Variants in UNC79 observed in about 807,000 individuals in gnomAD.
UNC79 encodes the protein protein unc-79 homolog.
UNC79 carries 37 observed loss-of-function variants against 283.1 expected under a neutral mutation model. That is an observed-to-expected ratio of 0.13 (90% CI 0.10 to 0.17). The LOEUF is 0.17. Ranked by LOEUF, UNC79 falls within the 10% of genes least tolerant of loss-of-function variation. The probability of loss-of-function intolerance (pLI) is 1.00; values close to 1 mark genes in which losing one functional copy is unlikely to be tolerated. For synonymous variants in UNC79, 1,107 were observed against 1,200.2 expected, an observed-to-expected ratio of 0.92 and a Z score of 1.61; for missense variants, 2,272 against 3,211.1, an observed-to-expected ratio of 0.71 and a Z score of 7.07.
At chr14:93,361,904 G>C (rs566804381) in intron 1 of UNC79, among the ~76,000 whole-genome samples, 84 of 152,276 alleles carry the variant, frequency 5.5e-4, no homozygotes, top group African/African-American at 1.9e-3. Context: ...TAACATGAAG[G>C]GGTGTTGAAT....
chr14:93,552,032 A>C (rs1045781434), intron 14 of UNC79, among the ~76,000 whole-genome samples: 18 of 152,354 alleles, frequency 1.2e-4, no homozygotes, highest in African/African-American at 4.1e-4. Context: ...GAACTGTTGA[A>C]GCCTGGAAGG....
chr14:93,686,669 G>A lies in UNC79; in HGVS notation c.6909+8G>A. The A allele has an allele frequency of 6.2e-7, 1 of 1,613,994 alleles. No homozygotes were observed. The highest frequency in any genetic ancestry group is 8.5e-7 in the Non-Finnish European group (1 of 1,179,964). The stretch of plus-strand genomic sequence containing the variant: ...ACGCTGACCAAACTGAAGGTGAGAT[G>A]ACCGCCACCTGCTCATCCCTCAGGT... On this transcript the variant is annotated splice_region_variant and intron_variant, in intron 43 of 48. Coordinates refer to ENST00000555664, the Ensembl canonical transcript of UNC79.
chr14:93,542,384 AT>A, intron 13 of UNC79, 81 bp from the exon 14 acceptor site: 2 of 1,353,888 alleles, frequency 1.5e-6, no homozygotes, highest in African/African-American at 1.5e-5. Flanking sequence ...TTTTATTTTT[AT>A]TTTTTGCCTC....
At chr14:93,677,261 T>C (rs1046709281) in intron 41 of UNC79, among the ~76,000 whole-genome samples, 2 of 152,114 alleles carry the variant, frequency 1.3e-5, no homozygotes, top group African/African-American at 2.4e-5. Context: ...GGGCCACACA[T>C]GGTATATTAG....
intron 5 of UNC79, among the ~76,000 whole-genome samples, chr14:93,494,586 A>G (rs868463543): frequency 2.0e-5 from 3 of 152,202 alleles, no homozygotes; most frequent in Non-Finnish European, 2.9e-5. Context: ...GAGCCCACAC[A>G]CAAGTGTCCA....
chr14:93,542,717 C>T, intron 14 of UNC79, 21 bp downstream of exon 14: 22 of 1,613,120 alleles, frequency 1.4e-5, no homozygotes, highest in Non-Finnish European at 1.8e-5. Context: ...GCCTACAGCT[C>T]ACACCTTGTT....
chr14:93,682,704 G>T lies in UNC79; in HGVS notation c.6819+10G>T, dbSNP rs1382906657. 6.2e-7 allele frequency: 1 copy of T among 1,612,804 alleles called. No individual in the cohort carries two copies. Among genetic ancestry groups the T allele is most frequent in the South Asian group, 1.1e-5 (1 of 90,902 alleles). On this transcript the variant is annotated intron_variant, in intron 42 of 48. Coordinates refer to ENST00000555664, the Ensembl canonical transcript of UNC79. ...AGCCTCTGTACCTGGAGTAAGTCCT[G>T]ACCAAATTCATTGTCTACATACTTA...
chr14:93,679,256 C>T (rs2073624414), intron 41 of UNC79, among the ~76,000 whole-genome samples: 1 of 152,008 alleles, frequency 6.6e-6, no homozygotes, highest in South Asian at 2.1e-4. Context: ...GTCAAGAGAT[C>T]GAGACCATCC....
chr14:93,399,035 C>A (rs971767990), intron 1 of UNC79, among the ~76,000 whole-genome samples: 1 of 152,154 alleles, frequency 6.6e-6, no homozygotes, highest in Non-Finnish European at 1.5e-5. Flanking sequence ...CTTACAATCA[C>A]AGCAGAAGGG....
At chr14:93,477,464 C>A in intron 3 of UNC79, 94 bp from the exon 4 acceptor site, 1 of 1,090,478 alleles carries the variant, frequency 9.2e-7, no homozygotes, top group Non-Finnish European at 1.3e-6. Context: ...TTGCTTATAA[C>A]TTAAACCAGT....
At chr14:93,487,004 A>T (rs2058474858) in intron 4 of UNC79, among the ~76,000 whole-genome samples, 1 of 152,208 alleles carries the variant, frequency 6.6e-6, no homozygotes, top group African/African-American at 2.4e-5. Context: ...AACAACTCAG[A>T]TGAATATGAA....
rs531125204 is a variant in UNC79, at chr14:93,365,725, C to T, written c.-351+32202C>T. ...AGTCTTTAAGAGCATAGAGAAAAGA[C>T]GAAGGAATTAGAAACAGTGAGAAAA... On this transcript the variant is annotated intron_variant, in intron 1 of 49. Transcript: ENST00000256339. Among the ~76,000 whole-genome samples, 101 of 151,412 alleles carry T rather than the reference C, an allele frequency of 6.7e-4. 2 individuals are homozygous for T. The highest frequency in any genetic ancestry group is 2.3e-3 in the African/African-American group (93 of 41,218).
At chr14:93,341,353 C>T (rs142686069) in intron 1 of UNC79, among the ~76,000 whole-genome samples, 2,586 of 151,864 alleles carry the variant, frequency 0.017, 83 homozygotes, top group African/African-American at 0.06. Flanking sequence ...GCTACTCAGG[C>T]GGCTGAGACA....
intron 1 of UNC79, among the ~76,000 whole-genome samples, chr14:93,396,813 G>A (rs1196660074): frequency 6.6e-6 from 1 of 150,480 alleles, no homozygotes; most frequent in Non-Finnish European, 1.5e-5. Context: ...GTGTGTTGTG[G>A]CATGCTTTCA....
chr14:93,455,853 C>T (rs907011691), intron 1 of UNC79, among the ~76,000 whole-genome samples: 6 of 151,282 alleles, frequency 4.0e-5, no homozygotes, highest in Admixed American at 4.0e-4. Context: ...TCAAATAAAC[C>T]CTGGATTTGG....
exon 40 of UNC79, chr14:93,662,609 G>T (rs1566882901): frequency 6.2e-7 from 1 of 1,605,866 alleles, no homozygotes; most frequent in Non-Finnish European, 8.5e-7. Context: ...TGCAGAGTTT[G>T]TTGGAACCAT....
At chr14:93,669,673 C>T (rs779495709) in intron 40 of UNC79, among the ~76,000 whole-genome samples, 10 of 151,976 alleles carry the variant, frequency 6.6e-5, no homozygotes, top group South Asian at 2.1e-4. Context: ...GGCAAAACCT[C>T]GTCTCTATAA....
rs1469303674 is a variant in UNC79, at chr14:93,347,157, C to T, written c.-351+13634C>T. 9 of 1,333,766 alleles carry T rather than the reference C, an allele frequency of 6.7e-6. No homozygotes were observed. In the East Asian group the frequency reaches 7.9e-5, roughly 12 times the overall value. The allele number at this position is 1,333,766 out of a possible 1,614,324, so 82.6% of individuals were successfully genotyped here. ...AGGGGGCGAGGGCAGAGCGCCCCCT[C>T]GTGGCTGGGGCGCCTGCGCAAACCA... On this transcript the variant is annotated intron_variant, in intron 1 of 49. Coordinates refer to the UNC79 transcript ENST00000256339.
At chr14:93,585,875 C>G (rs1310870936) in intron 20 of UNC79, among the ~76,000 whole-genome samples, 1 of 139,202 alleles carries the variant, frequency 7.2e-6, no homozygotes, top group African/African-American at 2.6e-5. Context: ...GAACACCTCT[C>G]TCTCTCTCTT....
Sources: gnomAD v4.1 joint callset for allele counts (sites outside exome capture counted in the v4.1 genomes callset) on GRCh38, gnomAD v4.1.1 for gene constraint, MANE v1.5 for transcripts, NCBI Gene and HGNC (gene_info 2026-07-23, HGNC 2026-07-21) for gene names.